Variants in TENM3 observed in about 807,000 individuals in gnomAD.
The protein encoded by TENM3 is teneurin-3.
TENM3 carries 63 observed loss-of-function variants against 255.1 expected under a neutral mutation model. The observed-to-expected ratio is 0.25, with a 90% CI of 0.20 to 0.30. The LOEUF is 0.30. TENM3 is among the 10% of genes least tolerant of loss of function. The probability of loss-of-function intolerance (pLI) is 1.00; values close to 1 mark genes in which losing one functional copy is unlikely to be tolerated. For missense variants in TENM3, 2,929 were observed against 3,461.1 expected (o/e 0.85, Z 3.86); for synonymous variants, 1,306 against 1,322.3 (o/e 0.99, Z 0.27).
chr4:182,342,424 A>G (rs1764541275), intron 2 of TENM3, among the ~76,000 whole-genome samples: 1 of 147,036 alleles, frequency 6.8e-6, no homozygotes, highest in Non-Finnish European at 1.5e-5. Flanking sequence ...TGAAATGTCC[A>G]GGAAGGGAAG....
intron 3 of TENM3, among the ~76,000 whole-genome samples, chr4:182,423,591 G>T (rs1046556374): frequency 5.3e-5 from 8 of 152,058 alleles, no homozygotes; most frequent in Non-Finnish European, 1.0e-4. Flanking sequence ...AGAGAACAAT[G>T]CCACTGTAAA....
At chr4:182,094,594 GAAC>G in the TENM3 span, among the ~76,000 whole-genome samples, 1 of 152,264 alleles carries the variant, frequency 6.6e-6, no homozygotes, top group Non-Finnish European at 1.5e-5. Flanking sequence ...ACATAGAAAT[GAAC>G]AACAGAAAGG....
At chr4:181,661,431 T>C in the TENM3 span, among the ~76,000 whole-genome samples, 1 of 152,172 alleles carries the variant, frequency 6.6e-6, no homozygotes, top group Non-Finnish European at 1.5e-5. Context: ...CTAAATTCCA[T>C]TTAAATTTCT....
intron 4 of TENM3, among the ~76,000 whole-genome samples, chr4:182,605,688 T>A (rs1748352917): frequency 1.3e-5 from 2 of 152,204 alleles, no homozygotes; most frequent in African/African-American, 4.8e-5. Context: ...TGCTGTGTGC[T>A]GTTAATATTT....
At chr4:181,781,302 C>T in the TENM3 span, among the ~76,000 whole-genome samples, 1 of 152,090 alleles carries the variant, frequency 6.6e-6, no homozygotes, top group Non-Finnish European at 1.5e-5. Flanking sequence ...TTTCGTTGAG[C>T]AGTGGTTTGT....
At chr4:182,195,356 T>TA (rs1753778033) in intron 1 of TENM3, among the ~76,000 whole-genome samples, 1 of 152,036 alleles carries the variant, frequency 6.6e-6, no homozygotes, top group Non-Finnish European at 1.5e-5. Context: ...AGCATGACTT[T>TA]AAAAAATATC....
At chr4:182,576,450 G>T (rs758836821) in intron 3 of TENM3, among the ~76,000 whole-genome samples, 3 of 152,122 alleles carry the variant, frequency 2.0e-5, no homozygotes, top group African/African-American at 7.2e-5. Context: ...AGCAATATAA[G>T]CCAGTCCTGT....
intron 14 of TENM3, 78 bp downstream of exon 14, chr4:182,729,259 CTG>C (rs1760485297): frequency 1.6e-6 from 2 of 1,242,420 alleles, no homozygotes; most frequent in Admixed American, 4.0e-5. Flanking sequence ...ATACTCATGA[CTG>C]TGAACCTGAG....
the TENM3 span, among the ~76,000 whole-genome samples, chr4:181,704,616 C>T: frequency 1.3e-5 from 2 of 152,112 alleles, no homozygotes; most frequent in East Asian, 1.9e-4. Flanking sequence ...CAGGAATTCT[C>T]CCATTTTGAT....
At chr4:181,499,949 C>T in the TENM3 span, among the ~76,000 whole-genome samples, 1 of 152,112 alleles carries the variant, frequency 6.6e-6, no homozygotes, top group Non-Finnish European at 1.5e-5. Context: ...CTTCTCAAAC[C>T]CTTTCTTAAT....
the TENM3 span, among the ~76,000 whole-genome samples, chr4:181,881,971 G>T: frequency 1.3e-4 from 20 of 152,240 alleles, 2 homozygotes; most frequent in African/African-American, 4.8e-4. Context: ...CCGTGATTTT[G>T]TAAATTTTTG....
At chr4:182,248,813 G>C (rs755687410) in intron 1 of TENM3, among the ~76,000 whole-genome samples, 28 of 152,174 alleles carry the variant, frequency 1.8e-4, no homozygotes, top group Non-Finnish European at 3.5e-4. Flanking sequence ...AACTACCAAA[G>C]GGTTGCAAAT....
the TENM3 span, among the ~76,000 whole-genome samples, chr4:182,052,891 A>G: frequency 2.4e-4 from 37 of 152,278 alleles, no homozygotes; most frequent in East Asian, 7.1e-3. Flanking sequence ...TAAAAATCTG[A>G]TGAACTTTTG....
At chr4:182,169,192 T>C in intron 1 of TENM3, 1 of 457,934 alleles carries the variant, frequency 2.2e-6, no homozygotes, top group South Asian at 1.6e-5. Flanking sequence ...GATTAATTCA[T>C]AAACCAAGTG....
At chr4:182,669,210 T>G (rs899580425) in intron 6 of TENM3, among the ~76,000 whole-genome samples, 2 of 152,162 alleles carry the variant, frequency 1.3e-5, no homozygotes, top group Non-Finnish European at 2.9e-5. Context: ...CAAAAACTTA[T>G]GAGGAACTTA....
chr4:182,322,463 T>G (rs2150492376), intron 1 of TENM3, among the ~76,000 whole-genome samples: 1 of 152,306 alleles, frequency 6.6e-6, no homozygotes, highest in South Asian at 2.1e-4. Flanking sequence ...ACTCTGTGAT[T>G]ATTCCAGCGC....
intron 3 of TENM3, among the ~76,000 whole-genome samples, chr4:182,465,738 T>C (rs1732524246): frequency 6.6e-6 from 1 of 152,154 alleles, no homozygotes; most frequent in Non-Finnish European, 1.5e-5. Flanking sequence ...ATTAATAATA[T>C]AAGATACAGG....
In TENM3 at chr4:182,789,355, A is replaced by C. The variant is rs1222268984; in HGVS notation, c.5567A>C (p.Asp1856Ala). 1 of 1,613,664 alleles carries C rather than the reference A, an allele frequency of 6.2e-7. No individual in the cohort carries two copies. Among genetic ancestry groups the C allele is most frequent in the Admixed American group, 1.7e-5 (1 of 59,994 alleles). The change falls in exon 25 of 28, where the codon GAT (aspartate) becomes GCT (alanine). Residue 1856 changes from aspartate to alanine, a missense_variant. Asp to Ala is a moderately radical substitution (Grantham distance 126). Around this residue, in one of 6 missense-constraint regions of TENM3, gnomAD observed 303 missense variants for 425.2 expected, o/e 0.71. Transcript: ENST00000511685. This position sits in a 1 kb window ranked among gnomAD's most constrained non-coding sequence, Gnocchi z 4.4. ...QGRIVSRVFA[D>A]GKTWSYTYLE... Reference sequence around the variant, plus strand: ...AGGATCGTGTCTCGGGTCTTTGCTGATGGTAAAACATGGAGTTACACATAT... The same window carrying C: ...AGGATCGTGTCTCGGGTCTTTGCTGCTGGTAAAACATGGAGTTACACATAT...
chr4:181,474,701 C>G, the TENM3 span, among the ~76,000 whole-genome samples: 1 of 150,354 alleles, frequency 6.7e-6, no homozygotes, highest in Non-Finnish European at 1.5e-5. Flanking sequence ...TGCCACTGCA[C>G]TCCAGCCCAG....
Sources: allele counts gnomAD v4.1 joint callset (sites outside exome capture counted in the v4.1 genomes callset), GRCh38; gene constraint gnomAD v4.1.1; regional missense constraint gnomAD v4.1.1; non-coding constraint Gnocchi (gnomAD v3.1); transcripts MANE v1.5; gene names NCBI Gene and HGNC (gene_info 2026-07-23, HGNC 2026-07-21).